The following AIG1 variants were observed in gnomAD, a reference collection of about 807,000 sequenced individuals.
AIG1 encodes androgen-induced gene 1 protein.
In AIG1, 23 loss-of-function variants were observed where a neutral mutation model predicts 31.4. The observed-to-expected ratio is 0.73, with a 90% CI of 0.53 to 1.04. The LOEUF is 1.04. AIG1 is among the 50% of genes least tolerant of loss of function. The pLI is 0.00. For missense variants in AIG1, 274 were observed against 295.0 expected, an observed-to-expected ratio of 0.93 and a Z score of 0.52; for synonymous variants, 100 against 110.5, an observed-to-expected ratio of 0.90 and a Z score of 0.60.
intron 3 of AIG1, among the ~76,000 whole-genome samples, chr6:143,203,653 AT>A (rs1478789399): frequency 2.6e-5 from 4 of 152,196 alleles, no homozygotes. Flanking sequence ...TAAAAACAGA[AT>A]TCTGTATAGA....
At chr6:143,271,283 T>C (rs1562543579) in intron 3 of AIG1, among the ~76,000 whole-genome samples, 1 of 152,206 alleles carries the variant, frequency 6.6e-6, no homozygotes, top group African/African-American at 2.4e-5. Context: ...CCCTTGGAGA[T>C]GATTCGTTTC....
At chr6:143,154,502 C>G (rs886578106) in intron 2 of AIG1, among the ~76,000 whole-genome samples, 2 of 151,788 alleles carry the variant, frequency 1.3e-5, no homozygotes, top group African/African-American at 2.4e-5. Context: ...GAGTGAGACT[C>G]TGTGTAAAAA....
chr6:143,334,168 GA>G lies in AIG1; in HGVS notation c.679+728del. On this transcript the variant is annotated intron_variant, in intron 5 of 5. Transcript: ENST00000357847. This position sits in a 1 kb window ranked among gnomAD's most constrained non-coding sequence, Gnocchi z 5.1. ...ACAATAACATAAAAATTGAAAGGTG[GA>G]AAAAGCGCCAGCACAGACATGTAGT... 2.8e-6 allele frequency: 4 copies of G among 1,452,872 alleles called. No homozygotes were observed. The highest frequency in any genetic ancestry group is 2.5e-5 in the South Asian group (2 of 78,792). 90.0% of individuals were successfully genotyped at this position (1,452,872 alleles called of 1,614,324 possible). A position where few individuals can be genotyped will look rare whatever the true frequency, so the allele number is the denominator to read the frequency against.
chr6:143,124,532 C>A (rs1221643386), intron 1 of AIG1, among the ~76,000 whole-genome samples: 1 of 152,234 alleles, frequency 6.6e-6, no homozygotes, highest in Non-Finnish European at 1.5e-5. Context: ...CTGCTTCCTG[C>A]TTGCCCAGCT....
intron 3 of AIG1, among the ~76,000 whole-genome samples, chr6:143,179,860 C>T (rs1180049986): frequency 6.6e-6 from 1 of 152,190 alleles, no homozygotes; most frequent in East Asian, 1.9e-4. Flanking sequence ...TTAAATGGAG[C>T]TGGCTCAATA....
intron 3 of AIG1, among the ~76,000 whole-genome samples, chr6:143,267,678 A>G (rs1182664180): frequency 6.6e-6 from 1 of 152,152 alleles, no homozygotes; most frequent in Non-Finnish European, 1.5e-5. Context: ...TAGACTTATG[A>G]CTATCAAAGC....
intron 3 of AIG1, among the ~76,000 whole-genome samples, chr6:143,199,439 G>T (rs1790517433): frequency 6.6e-6 from 1 of 151,956 alleles, no homozygotes. Context: ...GTTCATGGGG[G>T]TTTATTATGC....
At chr6:143,149,311 G>A (rs1029495501) in intron 2 of AIG1, among the ~76,000 whole-genome samples, 23 of 152,038 alleles carry the variant, frequency 1.5e-4, no homozygotes, top group Admixed American at 1.4e-3. Flanking sequence ...CGGATCACAA[G>A]GTCAGGAGAT....
intron 2 of AIG1, among the ~76,000 whole-genome samples, chr6:143,158,820 G>A (rs961780717): frequency 6.6e-6 from 1 of 152,172 alleles, no homozygotes; most frequent in African/African-American, 2.4e-5. Context: ...TTGCTCCTGT[G>A]GGAGATGTGG....
At chr6:143,149,981 T>G (rs572420550) in intron 2 of AIG1, among the ~76,000 whole-genome samples, 25 of 152,342 alleles carry the variant, frequency 1.6e-4, no homozygotes, top group Non-Finnish European at 4.4e-5. Flanking sequence ...AAAAACTTTT[T>G]GGCAAGAAGT....
chr6:143,149,826 G>A (rs6923010), intron 2 of AIG1, among the ~76,000 whole-genome samples: 10,762 of 152,136 alleles, frequency 0.071, 790 homozygotes, highest in East Asian at 0.38. Context: ...TTTACCCAAC[G>A]TGCTTGTTTC....
At chr6:143,189,432 C>T (rs1789585880) in intron 3 of AIG1, 2 of 981,988 alleles carry the variant, frequency 2.0e-6, no homozygotes, top group Non-Finnish European at 2.4e-6. Context: ...AAAGTATTTG[C>T]AAAATAGTTT....
At chr6:143,270,678 A>G (rs1386597846) in intron 3 of AIG1, among the ~76,000 whole-genome samples, 1 of 152,212 alleles carries the variant, frequency 6.6e-6, no homozygotes, top group African/African-American at 2.4e-5. Context: ...TAACTACTTT[A>G]TATGTCTTTA....
intron 3 of AIG1, among the ~76,000 whole-genome samples, chr6:143,192,789 T>C (rs1472694527): frequency 2.0e-5 from 3 of 152,114 alleles, no homozygotes; most frequent in Non-Finnish European, 4.4e-5. Flanking sequence ...TGACCTATGA[T>C]CCATCCATTT....
intron 2 of AIG1, among the ~76,000 whole-genome samples, chr6:143,162,863 C>G (rs1786530286): frequency 6.6e-6 from 1 of 152,150 alleles, no homozygotes; most frequent in Non-Finnish European, 1.5e-5. Flanking sequence ...ATTCCAGGCT[C>G]ACAGTTACTC....
chr6:143,234,337 CAAT>C (rs1291112291), intron 3 of AIG1, among the ~76,000 whole-genome samples: 2 of 152,178 alleles, frequency 1.3e-5, no homozygotes, highest in East Asian at 3.9e-4. Context: ...AAAATTGCAA[CAAT>C]GAGATTGACT....
At chr6:143,226,496 G>C (rs1792973395) in intron 3 of AIG1, among the ~76,000 whole-genome samples, 1 of 151,728 alleles carries the variant, frequency 6.6e-6, no homozygotes, top group Non-Finnish European at 1.5e-5. Flanking sequence ...CACCCGCCTT[G>C]GCCTCCCAAA....
chr6:143,291,680 A>C lies in AIG1; in HGVS notation c.515+7455A>C, dbSNP rs532907687. Among the ~76,000 whole-genome samples the C allele has an allele frequency of 6.6e-6, 1 of 152,332 alleles. No homozygotes were observed. The highest frequency in any genetic ancestry group is 1.5e-5 in the Non-Finnish European group (1 of 68,032). On this transcript the variant is annotated intron_variant, in intron 4 of 5. Coordinates refer to ENST00000357847, the MANE Select transcript of AIG1 (RefSeq NM_016108.4). The surrounding 1 kb of genome is among the most constrained non-coding windows in gnomAD (Gnocchi z 4.2). The stretch of plus-strand genomic sequence containing the variant: ...TCCTCCTCTTCTACTTCAGGGTCTT[A>C]GAGTGCATGGAATAAATAAGTAAAC...
chr6:143,197,792 C>CT (rs956943750), intron 3 of AIG1, among the ~76,000 whole-genome samples: 1 of 152,202 alleles, frequency 6.6e-6, no homozygotes, highest in Non-Finnish European at 1.5e-5. Flanking sequence ...GACAAACCCT[C>CT]TGAGATGTGA....
Sources: allele counts gnomAD v4.1 joint callset (sites outside exome capture counted in the v4.1 genomes callset), GRCh38; gene constraint gnomAD v4.1.1; non-coding constraint Gnocchi (gnomAD v3.1); transcripts MANE v1.5; gene names NCBI Gene and HGNC (gene_info 2026-07-23, HGNC 2026-07-21).